Variants in SLC6A19 observed in about 807,000 individuals in gnomAD.
SLC6A19 encodes sodium-dependent neutral amino acid transporter B(0)AT1.
In SLC6A19, 67 loss-of-function variants were observed where a neutral mutation model predicts 68.3. The observed-to-expected ratio is 0.98, with a 90% CI of 0.81 to 1.20. The LOEUF is 1.20. Ranked by LOEUF, SLC6A19 falls within the 50% of genes most tolerant of loss-of-function variation. The pLI is 0.00. For synonymous variants in SLC6A19, 392 were observed against 374.9 expected (o/e 1.05, Z -0.53); for missense variants, 813 against 851.6 (o/e 0.95, Z 0.56).
In SLC6A19 at chr5:1,222,214, C is replaced by T. The variant is rs1746407133; in HGVS notation, c.*310C>T. On this transcript the variant is annotated 3_prime_UTR_variant, in exon 12 of 12. Transcript: ENST00000304460. ...GTGTGTGTGCATGTACATGTATGGA[C>T]ATTGTGTGAGTGTGCAAGTGTGCAT... 1.7e-6 allele frequency: 1 copy of T among 586,410 alleles called. No homozygotes were observed. The highest frequency in any genetic ancestry group is 3.0e-6 in the Non-Finnish European group (1 of 329,976). The allele number at this position is 586,410 out of a possible 1,614,324, so 36.3% of individuals were successfully genotyped here.
intron 3 of SLC6A19, among the ~76,000 whole-genome samples, chr5:1,211,268 C>T (rs115046154): frequency 0.01 from 1,593 of 152,300 alleles, 25 homozygotes; most frequent in African/African-American, 0.033. Flanking sequence ...CTGGGACTGT[C>T]GGGGCCCTTT....
In SLC6A19 at chr5:1,222,437, ATG is replaced by A; in HGVS notation, c.*539_*540del. The stretch of plus-strand genomic sequence containing the variant: ...TATATACATGCATGCAATTGTGTGT[ATG>A]TGTGTTCTGTGTGTGCGTTTGCAAG... On this transcript the variant is annotated 3_prime_UTR_variant, in exon 12 of 12. Coordinates refer to ENST00000304460, the MANE Select transcript of SLC6A19 (RefSeq NM_001003841.3). 6.8e-6 allele frequency: 3 copies of A among 439,958 alleles called. No individual in the cohort carries two copies. Among genetic ancestry groups the A allele is most frequent in the Non-Finnish European group, 1.2e-5 (3 of 250,940 alleles). 27.3% of individuals were successfully genotyped at this position (439,958 alleles called of 1,614,324 possible).
At chr5:1,221,626 G>A (rs544405886) in intron 11 of SLC6A19, 75 bp from the exon 12 acceptor site, 2 of 1,569,246 alleles carry the variant, frequency 1.3e-6, no homozygotes, top group African/African-American at 2.7e-5. Flanking sequence ...GAGTCATGGG[G>A]TGAGGGGCCT....
chr5:1,224,335 T>C lies in SLC6A19; in HGVS notation c.*2431T>C, dbSNP rs936596335. On this transcript the variant is annotated 3_prime_UTR_variant, in exon 12 of 12. Coordinates refer to ENST00000304460, the MANE Select transcript of SLC6A19 (RefSeq NM_001003841.3). ...AAATGTGGTAGAAATGCAGGCTTTA[T>C]GGGCATAAAGTGTACATTTCTAAAT... The C allele has an allele frequency of 1.3e-5, 2 of 152,282 alleles. No homozygotes were observed. The highest frequency in any genetic ancestry group is 2.4e-5 in the African/African-American group (1 of 41,476). 9.4% of individuals were successfully genotyped at this position (152,282 alleles called of 1,614,324 possible).
rs747155573 is a variant in SLC6A19 at position 1,208,832 on chromosome 5, C to T, written c.289C>T (p.Arg97Trp). 1.9e-6 allele frequency: 3 copies of T among 1,613,010 alleles called. No homozygotes were observed. Among genetic ancestry groups the T allele is most frequent in the Middle Eastern group, 1.7e-4 (1 of 6,060 alleles). ...GGAGTTCGCCATCGGGCAGCGGCTG[C>T]GGCGGGGCAGCCTGGGTGTGTGGAG... ...YLEFAIGQRL[R>W]RGSLGVWSSI... The change falls in exon 2 of 12, where the codon CGG becomes TGG. Residue 97 changes from arginine to tryptophan, a missense_variant. Physicochemically the swap from Arg to Trp is moderately radical, Grantham distance 101. Coordinates refer to ENST00000304460, the MANE Select transcript of SLC6A19 (RefSeq NM_001003841.3).
At chr5:1,206,282 GTC>G (rs895750259) in intron 1 of SLC6A19, among the ~76,000 whole-genome samples, 1 of 150,068 alleles carries the variant, frequency 6.7e-6, no homozygotes, top group Admixed American at 6.6e-5. Flanking sequence ...TCTCTCCTCT[GTC>G]TCTCTCTGTT....
At chr5:1,206,213 T>C (rs2126494046) in intron 1 of SLC6A19, among the ~76,000 whole-genome samples, 2 of 152,028 alleles carry the variant, frequency 1.3e-5, no homozygotes, top group South Asian at 4.1e-4. Context: ...CAGCCTCCAG[T>C]ACCTGGCTTC....
At chr5:1,210,808 CG>C (rs536568445) in intron 3 of SLC6A19, among the ~76,000 whole-genome samples, 2 of 152,244 alleles carry the variant, frequency 1.3e-5, no homozygotes, top group East Asian at 1.9e-4. Context: ...CGTGGGAGCC[CG>C]GGGGGGCTGT....
rs1343210238 is a variant in SLC6A19 at position 1,212,681 on chromosome 5, T to C, written c.663+197T>C. ...GGGGCCCTGCCTGCCCCAGGTTTCC[T>C]GAAATGACCAGACTTGGGGCTCCAG... On this transcript the variant is annotated intron_variant, in intron 4 of 11. Coordinates refer to ENST00000304460, the MANE Select transcript of SLC6A19 (RefSeq NM_001003841.3). The surrounding 1 kb of genome is among the most constrained non-coding windows in gnomAD (Gnocchi z 5.1). Among the ~76,000 whole-genome samples, 5 of 151,994 alleles carry C rather than the reference T, an allele frequency of 3.3e-5. No homozygotes were observed. Among genetic ancestry groups the C allele is most frequent in the Non-Finnish European group, 7.4e-5 (5 of 67,984 alleles).
chr5:1,214,181 C>T lies in SLC6A19; in HGVS notation c.887+116C>T. 6.5e-7 allele frequency: 1 copy of T among 1,537,472 alleles called. No individual in the cohort carries two copies. Among genetic ancestry groups the T allele is most frequent in the South Asian group, 1.2e-5 (1 of 82,776 alleles). On this transcript the variant is annotated intron_variant, in intron 6 of 11. Transcript: ENST00000304460. The surrounding 1 kb of genome is among the most constrained non-coding windows in gnomAD (Gnocchi z 7.4). ...GGCTGTGTGGCCGGGGCCTTGCTGCCCCGATGGGCCCGTTCCCTCCTGCTC... is the reference window on the plus strand; with the variant it reads ...GGCTGTGTGGCCGGGGCCTTGCTGCTCCGATGGGCCCGTTCCCTCCTGCTC...
Position 1,222,470 on chromosome 5 carries a change from A to G in SLC6A19, c.*566A>G. 2.3e-6 allele frequency: 1 copy of G among 434,500 alleles called. No individual in the cohort carries two copies. Among genetic ancestry groups the G allele is most frequent in the Non-Finnish European group, 4.0e-6 (1 of 247,288 alleles). The allele number at this position is 434,500 out of a possible 1,614,324, so 26.9% of individuals were successfully genotyped here. ...TCTGTGTGTGCGTTTGCAAGTATATATGCACATGTGTATATGTACATGTAT... is the reference window on the plus strand; with the variant it reads ...TCTGTGTGTGCGTTTGCAAGTATATGTGCACATGTGTATATGTACATGTAT... On this transcript the variant is annotated 3_prime_UTR_variant, in exon 12 of 12. Transcript: ENST00000304460.
Position 1,212,516 on chromosome 5 carries a change from C to T in SLC6A19, c.663+32C>T, listed in dbSNP as rs749811983. ...CATGGGCCCGGCCAGGCTGCAGGTG[C>T]TCCAGAGGGCGGGTGCGGGCAGCCC... On this transcript the variant is annotated intron_variant, in intron 4 of 11. Coordinates refer to ENST00000304460, the MANE Select transcript of SLC6A19 (RefSeq NM_001003841.3). The surrounding 1 kb of genome is among the most constrained non-coding windows in gnomAD (Gnocchi z 5.1). The T allele has an allele frequency of 1.9e-6, 3 of 1,602,106 alleles. No homozygotes were observed. Among genetic ancestry groups the T allele is most frequent in the East Asian group, 2.2e-5 (1 of 44,848 alleles).
chr5:1,217,666 C>T (rs999323113), intron 8 of SLC6A19, among the ~76,000 whole-genome samples: 15 of 152,230 alleles, frequency 9.9e-5, no homozygotes, highest in Non-Finnish European at 1.6e-4. Context: ...TGTAGGAGGC[C>T]TCCAAGTGCA....
Position 1,208,887 on chromosome 5 carries a change from G to A in SLC6A19, c.343+1G>A. On this transcript the variant is annotated splice_donor_variant, in intron 2 of 11. Coordinates refer to ENST00000304460, the MANE Select transcript of SLC6A19 (RefSeq NM_001003841.3). LOFTEE classifies it high-confidence loss of function. ...ATCCACCCGGCCCTGAAGGGCCTAGGTGAGTGCCTCGGAGCAGTTCCACCC... is the reference window on the plus strand; with the variant it reads ...ATCCACCCGGCCCTGAAGGGCCTAGATGAGTGCCTCGGAGCAGTTCCACCC... The A allele has an allele frequency of 1.9e-6, 3 of 1,611,578 alleles. No homozygotes were observed. The highest frequency in any genetic ancestry group is 2.5e-6 in the Non-Finnish European group (3 of 1,179,716).
In SLC6A19 at chr5:1,220,968, C is replaced by A. The variant is rs534618961; in HGVS notation, c.1539-183C>A. On this transcript the variant is annotated intron_variant, in intron 10 of 11. Transcript: ENST00000304460. ...TCGTAGGGCAGAGGCAGCTGCTGGCCGTGCCCACAGAGGGGTCTGCTTGAG... is the reference window on the plus strand; with the variant it reads ...TCGTAGGGCAGAGGCAGCTGCTGGCAGTGCCCACAGAGGGGTCTGCTTGAG... 3.9e-4 allele frequency among the ~76,000 whole-genome samples: 59 copies of A among 152,246 alleles called. No individual in the cohort carries two copies. The East Asian group carries it at 0.011, about 27-fold the overall frequency.
intron 1 of SLC6A19, among the ~76,000 whole-genome samples, chr5:1,206,998 G>A (rs556255615): frequency 2.8e-3 from 423 of 152,268 alleles, no homozygotes; most frequent in African/African-American, 5.1e-3. Context: ...CGGCTGCAGC[G>A]TGGCCCTTCC....
chr5:1,221,973 G>A lies in SLC6A19; in HGVS notation c.*69G>A. On this transcript the variant is annotated 3_prime_UTR_variant, in exon 12 of 12. Transcript: ENST00000304460. ...GAGGAACCAGCAAGACCTGTGGGGTGGGGGCCGGGCTGCACCTGCATGTGT... is the reference window on the plus strand; with the variant it reads ...GAGGAACCAGCAAGACCTGTGGGGTAGGGGCCGGGCTGCACCTGCATGTGT... 2.6e-6 allele frequency: 4 copies of A among 1,565,362 alleles called. No individual in the cohort carries two copies. Among genetic ancestry groups the A allele is most frequent in the Non-Finnish European group, 3.5e-6 (4 of 1,146,954 alleles).
Position 1,223,712 on chromosome 5 carries a change from G to C in SLC6A19, c.*1808G>C, listed in dbSNP as rs1045964467. On this transcript the variant is annotated 3_prime_UTR_variant, in exon 12 of 12. Coordinates refer to ENST00000304460, the MANE Select transcript of SLC6A19 (RefSeq NM_001003841.3). ...GTGTTCTGAGAGTTCCTACGGACAG[G>C]TCACCTCTGCTTTCCATAGAAGAAT... The C allele has an allele frequency of 6.9e-6, 1 of 145,832 alleles. No homozygotes were observed. The highest frequency in any genetic ancestry group is 2.2e-4 in the South Asian group (1 of 4,574). The allele number at this position is 145,832 out of a possible 1,614,324, so 9.0% of individuals were successfully genotyped here.
intron 1 of SLC6A19, among the ~76,000 whole-genome samples, chr5:1,203,612 C>T (rs2126490533): frequency 6.6e-6 from 1 of 152,332 alleles, no homozygotes; most frequent in South Asian, 2.1e-4. Context: ...CTCTGAGGGC[C>T]ACTGTCACCT....
Sources: gnomAD v4.1 joint callset for allele counts (sites outside exome capture counted in the v4.1 genomes callset) on GRCh38, gnomAD v4.1.1 for gene constraint, Gnocchi (gnomAD v3.1) non-coding constraint, MANE v1.5 for transcripts, NCBI Gene and HGNC (gene_info 2026-07-23, HGNC 2026-07-21) for gene names.